The following EPM2A variants were observed in gnomAD, a reference collection of about 807,000 sequenced individuals.
The protein encoded by EPM2A is EPM2A glucan phosphatase, laforin, also known as laforin.
In EPM2A, 21 loss-of-function variants were observed where a neutral mutation model predicts 26.5. That is an observed-to-expected ratio of 0.79 (90% CI 0.56 to 1.14). The LOEUF (loss-of-function observed/expected upper bound fraction) is 1.14. Among genes scored for constraint, EPM2A ranks in the 50% most tolerant of loss-of-function variants. The pLI is 0.00. For missense variants in EPM2A, 458 were observed against 440.8 expected (o/e 1.04, Z -0.35); for synonymous variants, 217 against 177.6 (o/e 1.22, Z -1.76).
intron 1 of EPM2A, among the ~76,000 whole-genome samples, chr6:145,699,837 C>A (rs1781814727): frequency 4.6e-5 from 7 of 152,102 alleles, no homozygotes; most frequent in Admixed American, 4.6e-4. Flanking sequence ...GTTAATGATT[C>A]ATGATGATAA....
chr6:145,495,310 A>AT lies in EPM2A; in HGVS notation c.555+7211dup, dbSNP rs71028352. Among the ~76,000 whole-genome samples, 549 of 143,638 alleles carry AT rather than the reference A, an allele frequency of 3.8e-3. 4 individuals are homozygous for AT. The highest frequency in any genetic ancestry group is 0.012 in the South Asian group (54 of 4,624). The allele number at this position is 143,638 out of a possible 152,430, so 94.2% of individuals were successfully genotyped here. On this transcript the variant is annotated intron_variant, in intron 4 of 4. Coordinates refer to the EPM2A transcript ENST00000638717. ...AAAAACTGGAATTGCAACCACTGGG[A>AT]TTTTTTTTTTTTCTGTTTTCCATTT...
chr6:145,710,864 T>C (rs1203131866), intron 1 of EPM2A, among the ~76,000 whole-genome samples: 2 of 150,288 alleles, frequency 1.3e-5, no homozygotes, highest in Admixed American at 1.3e-4. Flanking sequence ...AGCAAAGTAT[T>C]GCAAGGACAA....
chr6:145,644,546 C>T (rs1777319989), intron 2 of EPM2A, among the ~76,000 whole-genome samples: 1 of 152,016 alleles, frequency 6.6e-6, no homozygotes. Context: ...TTAAAACTGA[C>T]ACAATTAGCA....
intron 2 of EPM2A, among the ~76,000 whole-genome samples, chr6:145,574,090 G>C (rs1780996704): frequency 6.6e-6 from 1 of 152,088 alleles, no homozygotes; most frequent in Non-Finnish European, 1.5e-5. Flanking sequence ...CTTCCTCAAG[G>C]GGATCCAGCC....
chr6:145,627,798 A>G (rs989988968), intron 3 of EPM2A, 105 bp from the exon 4 acceptor site: 2 of 1,490,260 alleles, frequency 1.3e-6, no homozygotes, highest in Admixed American at 2.0e-5. Context: ...GCACAGGGCC[A>G]GGCAGGGATA....
chr6:145,733,105 A>C (rs1246884399), intron 1 of EPM2A, among the ~76,000 whole-genome samples: 1 of 152,356 alleles, frequency 6.6e-6, no homozygotes, highest in East Asian at 1.9e-4. Context: ...TAGAAAATAG[A>C]ATATAAATTA....
intron 2 of EPM2A, among the ~76,000 whole-genome samples, chr6:145,673,070 C>T (rs1346338587): frequency 1.3e-5 from 2 of 151,392 alleles, no homozygotes; most frequent in East Asian, 1.9e-4. Context: ...GAAAAAAATA[C>T]ATTAAAACAA....
intron 2 of EPM2A, among the ~76,000 whole-genome samples, chr6:145,580,887 T>A (rs1781103787): frequency 6.6e-6 from 1 of 152,214 alleles, no homozygotes; most frequent in Admixed American, 6.5e-5. Context: ...CCATCATGTA[T>A]CTGTACCATA....
chr6:145,488,522 T>TGAGAGAGAGA lies in EPM2A; in HGVS notation c.555+13990_555+13999dup, dbSNP rs200590979. Among the ~76,000 whole-genome samples, 530 of 139,978 alleles carry TGAGAGAGAGA rather than the reference T, an allele frequency of 3.8e-3. 3 individuals carry two copies. The highest frequency in any genetic ancestry group is 0.013 in the African/African-American group (474 of 35,654). 91.8% of individuals were successfully genotyped at this position (139,978 alleles called of 152,430 possible). ...GTGTGTGTGTGTGTGTGTGTGTGTG[T>TGAGAGAGAGA]GAGAGAGAGAGAGAGAGAGAGAGAG... On this transcript the variant is annotated intron_variant, in intron 4 of 4. Coordinates refer to the EPM2A transcript ENST00000638717.
intron 4 of EPM2A, among the ~76,000 whole-genome samples, chr6:145,471,960 C>T (rs954446713): frequency 1.3e-5 from 2 of 151,310 alleles, no homozygotes; most frequent in Non-Finnish European, 2.9e-5. Flanking sequence ...CATGCCTCCC[C>T]TAACTGCAGG....
intron 4 of EPM2A, among the ~76,000 whole-genome samples, chr6:145,472,678 C>T (rs981816921): frequency 6.6e-6 from 1 of 152,004 alleles, no homozygotes; most frequent in Non-Finnish European, 1.5e-5. Flanking sequence ...GGCTCCCCTG[C>T]CTTTGAAAAG....
At chr6:145,502,026 C>G (rs1477940894) in intron 3 of EPM2A, among the ~76,000 whole-genome samples, 1 of 152,122 alleles carries the variant, frequency 6.6e-6, no homozygotes, top group African/African-American at 2.4e-5. Flanking sequence ...AAACTCTTGC[C>G]CTTAAACAAA....
chr6:145,512,437 G>A (rs1372994855), intron 2 of EPM2A, among the ~76,000 whole-genome samples: 5 of 151,978 alleles, frequency 3.3e-5, no homozygotes, highest in African/African-American at 4.8e-5. Context: ...ACCCCAGGCC[G>A]GGCGTGGTGG....
At chr6:145,409,163 A>G (rs1299436208) in intron 4 of EPM2A, among the ~76,000 whole-genome samples, 1 of 152,238 alleles carries the variant, frequency 6.6e-6, no homozygotes. Context: ...AGAACTTGAT[A>G]GGAAAATAAA....
At chr6:145,410,634 G>A (rs1381386176) in intron 4 of EPM2A, among the ~76,000 whole-genome samples, 2 of 152,200 alleles carry the variant, frequency 1.3e-5, no homozygotes, top group African/African-American at 2.4e-5. Flanking sequence ...GACAATGCCC[G>A]AGTAGAGCCA....
In EPM2A at chr6:145,651,372, A is replaced by C. The variant is rs1420372473; in HGVS notation, c.477-15886T>G. The stretch of plus-strand genomic sequence containing the variant: ...TCCTTTCATTATTTGTGGCACCCTG[A>C]TGAAAAGTAATTATGCTTTGGCGAA... On this transcript the variant is annotated intron_variant, in intron 2 of 3. Coordinates refer to ENST00000367519, the MANE Select transcript of EPM2A (RefSeq NM_005670.4). 1.3e-5 allele frequency among the ~76,000 whole-genome samples: 2 copies of C among 152,182 alleles called. 1 individual carries two copies. The highest frequency in any genetic ancestry group is 1.3e-4 in the Admixed American group (2 of 15,272).
chr6:145,707,425 T>C (rs1244628534), intron 1 of EPM2A, among the ~76,000 whole-genome samples: 1 of 152,214 alleles, frequency 6.6e-6, no homozygotes, highest in African/African-American at 2.4e-5. Flanking sequence ...AATCATCTGA[T>C]ATGGTTTGGC....
At chr6:145,519,288 G>C (rs908911433) in intron 2 of EPM2A, among the ~76,000 whole-genome samples, 1 of 152,090 alleles carries the variant, frequency 6.6e-6, no homozygotes, top group Non-Finnish European at 1.5e-5. Flanking sequence ...TTCTCTATTT[G>C]ATGCACCATG....
At chr6:145,457,851 G>A (rs1779281391) in intron 4 of EPM2A, among the ~76,000 whole-genome samples, 1 of 152,204 alleles carries the variant, frequency 6.6e-6, no homozygotes, top group Non-Finnish European at 1.5e-5. Context: ...TCAAGATACA[G>A]TTGTCTGAAT....
Sources: gnomAD v4.1 joint callset for allele counts (sites outside exome capture counted in the v4.1 genomes callset) on GRCh38, gnomAD v4.1.1 for gene constraint, MANE v1.5 for transcripts, NCBI Gene and HGNC (gene_info 2026-07-23, HGNC 2026-07-21) for gene names.